Variants in FOCAD observed in about 807,000 individuals in gnomAD.
The protein encoded by FOCAD is KIAA1797.
FOCAD carries 198 observed loss-of-function variants against 225.6 expected under a neutral mutation model. The ratio of observed to expected loss-of-function variants is 0.88; its 90% CI spans 0.78 to 0.99. The LOEUF is 0.99. FOCAD is among the 50% of genes least tolerant of loss of function. FOCAD has a pLI of 0.00. For synonymous variants in FOCAD, 897 were observed against 755.0 expected (o/e 1.19, Z -3.08); for missense variants, 2,713 against 2,123.6 (o/e 1.28, Z -5.46).
chr9:20,926,431 A>G lies in FOCAD; in HGVS notation c.3078+14A>G, dbSNP rs748556782. The G allele has an allele frequency of 6.8e-7, 1 of 1,462,682 alleles. No homozygotes were observed. Among genetic ancestry groups the G allele is most frequent in the Admixed American group, 1.7e-5 (1 of 58,972 alleles). 90.6% of individuals were successfully genotyped at this position (1,462,682 alleles called of 1,614,324 possible). On this transcript the variant is annotated intron_variant, in intron 26 of 43. Transcript: ENST00000338382. ...TGGTTTTATTATGTAAGTGCAAAAA[A>G]TAAAAAATGATCAGAAAACTCAAGA...
At chr9:20,885,265 G>A in intron 21 of FOCAD, 35 bp downstream of exon 21, 1 of 1,394,072 alleles carries the variant, frequency 7.2e-7, no homozygotes, top group Admixed American at 2.7e-5. Context: ...ATGTTTTAGT[G>A]TTTTCTCCCT....
At chr9:20,730,107 A>G (rs1826554990) in intron 4 of FOCAD, among the ~76,000 whole-genome samples, 2 of 152,144 alleles carry the variant, frequency 1.3e-5, no homozygotes, top group African/African-American at 4.8e-5. Flanking sequence ...TTAAGTCTCA[A>G]AACAACCCTG....
chr9:20,843,782 A>G (rs1291308408), intron 15 of FOCAD, among the ~76,000 whole-genome samples: 2 of 152,146 alleles, frequency 1.3e-5, no homozygotes, highest in Non-Finnish European at 2.9e-5. Flanking sequence ...TGAAATACGC[A>G]TATATTCTAG....
rs552150804 is a variant in FOCAD, at chr9:20,698,154, G to A, written c.-33+13861G>A. 6.0e-4 allele frequency among the ~76,000 whole-genome samples: 91 copies of A among 152,158 alleles called. No individual in the cohort carries two copies. The South Asian group carries it at 0.015, about 24-fold the overall frequency. ...AACATTTTATTTTTTTATTTGAGGA[G>A]AATTAATTTCTTTGTAATTTAAAAT... is the stretch of plus-strand genomic sequence containing the variant. On this transcript the variant is annotated intron_variant, in intron 1 of 43. Coordinates refer to ENST00000338382, the MANE Select transcript of FOCAD (RefSeq NM_001375567.1).
At chr9:20,660,581 T>G (rs921366137) in intron 2 of FOCAD, among the ~76,000 whole-genome samples, 65 of 152,040 alleles carry the variant, frequency 4.3e-4, no homozygotes, top group Admixed American at 4.3e-3. Flanking sequence ...TATGTAGAGA[T>G]CAGCAGAAAA....
At chr9:20,878,851 A>G (rs1238107214) in intron 19 of FOCAD, among the ~76,000 whole-genome samples, 3 of 152,156 alleles carry the variant, frequency 2.0e-5, no homozygotes, top group Non-Finnish European at 2.9e-5. Context: ...CAAAAGCCTC[A>G]GGACCCAGGG....
chr9:20,802,094 T>C lies in FOCAD; in HGVS notation c.1455+12486T>C, dbSNP rs150246886. 7.2e-5 allele frequency among the ~76,000 whole-genome samples: 11 copies of C among 152,254 alleles called. No homozygotes were observed. The East Asian group carries it at 2.1e-3, about 30-fold the overall frequency. ...CAAATGGGTAGACATGGCTACAAACTAAGTGGAGCCAGGCAGGTAGTTAAG... is the reference window on the plus strand; with the variant it reads ...CAAATGGGTAGACATGGCTACAAACCAAGTGGAGCCAGGCAGGTAGTTAAG... On this transcript the variant is annotated intron_variant, in intron 11 of 43. Transcript: ENST00000338382.
chr9:20,670,005 T>G (rs1822012218), intron 2 of FOCAD, among the ~76,000 whole-genome samples: 2 of 152,170 alleles, frequency 1.3e-5, no homozygotes, highest in South Asian at 2.1e-4. Context: ...GAAAATAAAA[T>G]TAAAAGTCAT....
chr9:20,759,350 G>A (rs866334958), intron 6 of FOCAD, among the ~76,000 whole-genome samples: 2 of 152,134 alleles, frequency 1.3e-5, no homozygotes, highest in African/African-American at 4.8e-5. Context: ...CATGGTACTG[G>A]TACCAAAACA....
At chr9:20,894,880 G>T (rs1355839977) in intron 21 of FOCAD, among the ~76,000 whole-genome samples, 1 of 152,018 alleles carries the variant, frequency 6.6e-6, no homozygotes, top group African/African-American at 2.4e-5. Context: ...CTTTGATATT[G>T]TTTCTGAAAA....
At chr9:20,736,757 A>T (rs1489149895) in intron 4 of FOCAD, among the ~76,000 whole-genome samples, 1 of 152,128 alleles carries the variant, frequency 6.6e-6, no homozygotes, top group Non-Finnish European at 1.5e-5. Context: ...AACGTAAGAG[A>T]TGGGCTTATT....
chr9:20,874,837 G>T, intron 19 of FOCAD, 30 bp downstream of exon 19: 1 of 1,612,736 alleles, frequency 6.2e-7, no homozygotes, highest in Non-Finnish European at 8.5e-7. Flanking sequence ...AGAGAAGCTA[G>T]CATTTTTTAG....
chr9:20,970,021 T>TA (rs1317077006), intron 35 of FOCAD, among the ~76,000 whole-genome samples: 5 of 151,920 alleles, frequency 3.3e-5, no homozygotes, highest in African/African-American at 1.2e-4. Context: ...TAAAAGGTGT[T>TA]ATCCTGTTCC....
At chr9:20,742,733 GT>G (rs1315752838) in intron 5 of FOCAD, among the ~76,000 whole-genome samples, 25 of 152,172 alleles carry the variant, frequency 1.6e-4, no homozygotes, top group Non-Finnish European at 3.2e-4. Context: ...TATCTGTAAT[GT>G]TTGACCTTTT....
chr9:20,912,763 C>T, intron 22 of FOCAD, 103 bp from the exon 23 acceptor site: 1 of 891,050 alleles, frequency 1.1e-6, no homozygotes, highest in Non-Finnish European at 1.8e-6. Context: ...ACCCAGAACA[C>T]TTAAGGCCAA....
At chr9:20,848,759 G>T (rs1827365494) in intron 15 of FOCAD, among the ~76,000 whole-genome samples, 1 of 151,848 alleles carries the variant, frequency 6.6e-6, no homozygotes, top group Non-Finnish European at 1.5e-5. Flanking sequence ...TTTACCAGGG[G>T]CACTATGTCA....
intron 15 of FOCAD, 149 bp downstream of exon 15, chr9:20,823,264 A>G: frequency 1.2e-6 from 1 of 850,538 alleles, no homozygotes; most frequent in Non-Finnish European, 1.7e-6. Flanking sequence ...AGCAAGACCT[A>G]CTTTACAAAT....
At chr9:20,882,124 A>G (rs1248162526) in intron 20 of FOCAD, 68 bp downstream of exon 20, 5 of 1,378,718 alleles carry the variant, frequency 3.6e-6, no homozygotes, top group Non-Finnish European at 5.0e-6. Flanking sequence ...ACTTTCAAGT[A>G]GGATATAATG....
intron 20 of FOCAD, 66 bp from the exon 21 acceptor site, chr9:20,885,042 GA>G: frequency 1.0e-6 from 1 of 989,818 alleles, no homozygotes; most frequent in Non-Finnish European, 1.3e-6. Flanking sequence ...CTGGGCAACA[GA>G]GTGAGATTCT....
Sources: gnomAD v4.1 joint callset for allele counts (sites outside exome capture counted in the v4.1 genomes callset) on GRCh38, gnomAD v4.1.1 for gene constraint, MANE v1.5 for transcripts, NCBI Gene and HGNC (gene_info 2026-07-23, HGNC 2026-07-21) for gene names.